RBM12: variants seen among roughly 807,000 people sequenced by gnomAD.
RBM12 encodes RNA-binding protein 12.
Under a neutral mutation model 37.2 loss-of-function variants are expected in RBM12, and 24 were observed. The observed-to-expected ratio is 0.65, with a 90% CI of 0.47 to 0.91. The LOEUF (loss-of-function observed/expected upper bound fraction) is 0.91. Ranked by LOEUF, RBM12 falls within the 40% of genes least tolerant of loss-of-function variation. The pLI is 0.00. For synonymous variants in RBM12, 420 were observed against 425.2 expected (o/e 0.99, Z 0.15); for missense variants, 1,061 against 1,183.2 (o/e 0.90, Z 1.52).
chr20:35,664,588 G>C (rs2034433347), intron 1 of RBM12, 172 bp downstream of exon 1: 1 of 152,352 alleles, frequency 6.6e-6, no homozygotes, highest in Admixed American at 6.5e-5. Flanking sequence ...CATCCTCTCA[G>C]ATCTCAGAGG....
rs1372084503 is a variant in RBM12 at position 35,654,203 on chromosome 20, C to T, written c.1120G>A (p.Val374Ile). The change falls in exon 3 of 3, where the codon GTT becomes ATT. Residue 374 changes from valine (V) to isoleucine (I), a missense_variant. Val to Ile is a conservative substitution (Grantham distance 29). Around this residue, in one of 3 missense-constraint regions of RBM12, gnomAD observed 540 missense variants for 632.7 expected, o/e 0.85. Coordinates refer to ENST00000374114, the MANE Select transcript of RBM12 (RefSeq NM_006047.6). ...CACTGTCTTTCTGTGGCAGGGCTAA[C>T]TTCCACATAGCGTTGAATCATCAGC... ...RMLMIQRYVE[V>I]SPATERQWVA... The T allele has an allele frequency of 6.2e-7, 1 of 1,614,246 alleles. No homozygotes were observed. Among genetic ancestry groups the T allele is most frequent in the East Asian group, 2.2e-5 (1 of 44,886 alleles).
At chr20:35,658,592 C>G (rs2034041172) in intron 2 of RBM12, among the ~76,000 whole-genome samples, 1 of 152,076 alleles carries the variant, frequency 6.6e-6, no homozygotes, top group Non-Finnish European at 1.5e-5. Context: ...AACCCCATCT[C>G]TACTAAAAAT....
Position 35,654,483 on chromosome 20 carries a change from C to T in RBM12, c.840G>A (p.Leu280=). The T allele has an allele frequency of 6.2e-7, 1 of 1,614,172 alleles. No individual in the cohort carries two copies. The highest frequency in any genetic ancestry group is 1.1e-5 in the South Asian group (1 of 91,078). Residue 280 remains leucine (L), a synonymous_variant, in exon 3 of 3, where the codon TTG becomes TTA. Coordinates refer to ENST00000374114, the MANE Select transcript of RBM12 (RefSeq NM_006047.6). ...TCATCTGGATAGGGTTAACAGGATT[C>T]AACGGACCAAGAAACATAGGATTCA... ...NNLNPMFLGP[L]NPVNPIQMNS...
rs762326338 is a variant in RBM12, at chr20:35,652,794, G to A, written c.2529C>T (p.Pro843=). 24 of 1,609,334 alleles carry A rather than the reference G, an allele frequency of 1.5e-5. No homozygotes were observed. Among genetic ancestry groups the A allele is most frequent in the Non-Finnish European group, 1.7e-5 (20 of 1,177,500 alleles). ...PGPGPIHIGG[P]PGFASSSGKP... ...TTCCAGAACTAGATGCAAAGCCAGG[G>A]GGACCACCAATATGGATTGGGCCAG... The change falls in exon 3 of 3, where the codon CCC becomes CCT. Residue 843 remains proline (P), a synonymous_variant. Coordinates refer to ENST00000374114, the MANE Select transcript of RBM12 (RefSeq NM_006047.6).
In RBM12 at chr20:35,651,829, T is replaced by C. The variant is rs560511754; in HGVS notation, c.*695A>G. On this transcript the variant is annotated 3_prime_UTR_variant, in exon 3 of 3. Coordinates refer to ENST00000374114, the MANE Select transcript of RBM12 (RefSeq NM_006047.6). Reference sequence around the variant, plus strand: ...AAGTCTTATTCCACACAGTTTTAAGTGTGACATTAGAAATCAAAGTTTGAG... The same window carrying C: ...AAGTCTTATTCCACACAGTTTTAAGCGTGACATTAGAAATCAAAGTTTGAG... 1 of 152,732 alleles carries C rather than the reference T, an allele frequency of 6.5e-6. No homozygotes were observed. The highest frequency in any genetic ancestry group is 2.4e-5 in the African/African-American group (1 of 41,554). 9.5% of individuals were successfully genotyped at this position (152,732 alleles called of 1,614,324 possible).
chr20:35,662,575 C>T (rs1450908088), intron 1 of RBM12, among the ~76,000 whole-genome samples: 3 of 152,190 alleles, frequency 2.0e-5, no homozygotes, highest in African/African-American at 7.2e-5. Flanking sequence ...CATCTAAAAG[C>T]ATCTTTTGTG....
Position 35,653,047 on chromosome 20 carries a change from T to C in RBM12, c.2276A>G (p.Asn759Ser), listed in dbSNP as rs1288265073. ...DARPGMPSVG[N>S]SGLPGLGLDV... ...CAGTCCTAGACCAGGCAAACCACTG[T>C]TTCCAACTGAAGGCATACCAGGCCT... Residue 759 changes from asparagine to serine, a missense_variant, in exon 3 of 3, where the codon AAC (asparagine) becomes AGC (serine). Physicochemically the swap from Asn to Ser is conservative, Grantham distance 46. Coordinates refer to ENST00000374114, the MANE Select transcript of RBM12 (RefSeq NM_006047.6). 3 of 1,613,882 alleles carry C rather than the reference T, an allele frequency of 1.9e-6. No individual in the cohort carries two copies. The highest frequency in any genetic ancestry group is 1.1e-5 in the South Asian group (1 of 91,084).
chr20:35,656,532 T>A (rs1008493921), intron 2 of RBM12, among the ~76,000 whole-genome samples: 1 of 152,212 alleles, frequency 6.6e-6, no homozygotes, highest in East Asian at 1.9e-4. Context: ...AAAGTCAACT[T>A]TTATTTATTT....
Position 35,653,137 on chromosome 20 carries a change from C to T in RBM12, c.2186G>A (p.Gly729Glu), listed in dbSNP as rs762737182. The T allele has an allele frequency of 6.2e-7, 1 of 1,613,676 alleles. No homozygotes were observed. Among genetic ancestry groups the T allele is most frequent in the Non-Finnish European group, 8.5e-7 (1 of 1,180,040 alleles). Reference sequence around the variant, plus strand: ...GATTGGTGGCCCAAAGGCATTTGATCCACCAAAATTACCAGGAAAGTTAAA... The same window carrying T: ...GATTGGTGGCCCAAAGGCATTTGATTCACCAAAATTACCAGGAAAGTTAAA... ...PPFNFPGNFG[G>E]SNAFGPPIPP... Residue 729 changes from glycine (G) to glutamate (E), a missense_variant, in exon 3 of 3, where the codon GGA (glycine) becomes GAA (glutamate). Gly to Glu is a moderately conservative substitution (Grantham distance 98). Coordinates refer to ENST00000374114, the MANE Select transcript of RBM12 (RefSeq NM_006047.6).
intron 2 of RBM12, 116 bp downstream of exon 2, chr20:35,658,813 AC>A (rs935414242): frequency 2.4e-5 from 12 of 496,790 alleles, no homozygotes; most frequent in Non-Finnish European, 4.0e-5. Context: ...ACACACACAC[AC>A]ACACACACAC....
rs1222921286 is a variant in RBM12, at chr20:35,655,360, G to C, written c.-22-16C>G. ...CCACACACACCTGCAGATGAGAAAA[G>C]GCAACGGCCAGGTCAGACTCCTGTT... On this transcript the variant is annotated splice_polypyrimidine_tract_variant and intron_variant, in intron 2 of 2. Transcript: ENST00000374114. 6.4e-7 allele frequency: 1 copy of C among 1,570,206 alleles called. No individual in the cohort carries two copies. Among genetic ancestry groups the C allele is most frequent in the Non-Finnish European group, 8.6e-7 (1 of 1,163,310 alleles).
chr20:35,663,538 C>G (rs887764475), intron 1 of RBM12, among the ~76,000 whole-genome samples: 1 of 152,126 alleles, frequency 6.6e-6, no homozygotes, highest in Non-Finnish European at 1.5e-5. Context: ...TAATATAAAA[C>G]GGTCCCTACC....
Position 35,655,133 on chromosome 20 carries a change from T to C in RBM12, c.190A>G (p.Ile64Val). ...AATAGTGTTACTTTTGACCCTTTAA[T>C]TGTACCACCTGTGCGCATCATACCA... Reference protein sequence around the residue: ...RLGMMRTGGTIKGSKVTLLLS... With the variant: ...RLGMMRTGGTVKGSKVTLLLS... Residue 64 changes from isoleucine (I) to valine (V), a missense_variant, in exon 3 of 3, where the codon ATT becomes GTT. Transcript: ENST00000374114. The C allele has an allele frequency of 6.2e-7, 1 of 1,614,184 alleles. No homozygotes were observed. The highest frequency in any genetic ancestry group is 2.2e-5 in the East Asian group (1 of 44,890).
chr20:35,660,133 T>C (rs1338604011), intron 1 of RBM12, among the ~76,000 whole-genome samples: 1 of 152,240 alleles, frequency 6.6e-6, no homozygotes, highest in African/African-American at 2.4e-5. Flanking sequence ...GCTATGCAAA[T>C]ATGTAATCAA....
rs1182220430 is a variant in RBM12, at chr20:35,655,349, A to G, written c.-22-5T>C. On this transcript the variant is annotated splice_polypyrimidine_tract_variant and splice_region_variant and intron_variant, in intron 2 of 2. Transcript: ENST00000374114. ...CTGCGCTGAAACCACACACACCTGC[A>G]GATGAGAAAAGGCAACGGCCAGGTC... The G allele has an allele frequency of 1.3e-6, 2 of 1,582,542 alleles. No individual in the cohort carries two copies. Among genetic ancestry groups the G allele is most frequent in the African/African-American group, 1.4e-5 (1 of 74,004 alleles).
At chr20:35,658,073 TAAAAATTTAAAA>T (rs1028737343) in intron 2 of RBM12, among the ~76,000 whole-genome samples, 13 of 150,336 alleles carry the variant, frequency 8.6e-5, no homozygotes, top group Non-Finnish European at 1.5e-4. Flanking sequence ...ATAAAACAAA[TAAAAATTTAAAA>T]AAAAATTTAA....
chr20:35,656,679 C>T (rs147966350), intron 2 of RBM12, among the ~76,000 whole-genome samples: 229 of 152,308 alleles, frequency 1.5e-3, no homozygotes, highest in African/African-American at 5.1e-3. Flanking sequence ...GGATTACAGG[C>T]ATGCGCCACC....
intron 2 of RBM12, 128 bp downstream of exon 2, chr20:35,658,802 A>AAC (rs10542710): frequency 0.13 from 58,919 of 471,204 alleles, 1,474 homozygotes; most frequent in South Asian, 0.25. Context: ...AGCAAACAAA[A>AAC]ACACACACAC....
chr20:35,659,287 A>G (rs1354058693), intron 1 of RBM12, among the ~76,000 whole-genome samples: 2 of 152,242 alleles, frequency 1.3e-5, no homozygotes, highest in Non-Finnish European at 2.9e-5. Flanking sequence ...CTGAAAATTA[A>G]AACAGTCATA....
Sources: allele counts gnomAD v4.1 joint callset (sites outside exome capture counted in the v4.1 genomes callset), GRCh38; gene constraint gnomAD v4.1.1; regional missense constraint gnomAD v4.1.1; transcripts MANE v1.5; gene names NCBI Gene and HGNC (gene_info 2026-07-23, HGNC 2026-07-21).